Variants in SPN observed in about 807,000 individuals in gnomAD.
SPN encodes the protein leukosialin.
Under a neutral mutation model 8.4 loss-of-function variants are expected in SPN, and 6 were observed. That is an observed-to-expected ratio of 0.72 (90% CI 0.39 to 1.42). The LOEUF is 1.42. Among genes scored for constraint, SPN ranks in the 40% most tolerant of loss-of-function variants. The probability of loss-of-function intolerance (pLI) is 0.02; values close to 1 mark genes in which losing one functional copy is unlikely to be tolerated. For missense variants in SPN, 517 were observed against 530.6 expected (o/e 0.97, Z 0.25); for synonymous variants, 201 against 222.6 (o/e 0.90, Z 0.86).
At position 29,667,278 on chromosome 16, in the gene SPN, T is replaced by C. The variant is rs911413418; in HGVS notation, c.*2347T>C. On this transcript the variant is annotated 3_prime_UTR_variant, in exon 2 of 2. Transcript: ENST00000652691. ...AGAGTTGTTAAAATAAGAGCCCCCA[T>C]ATCAGGTTTAGAAAATACTGTCACC... The C allele has an allele frequency of 1.0e-5, 3 of 287,480 alleles. No homozygotes were observed. The highest frequency in any genetic ancestry group is 2.3e-5 in the Non-Finnish European group (3 of 132,130). The allele number at this position is 287,480 out of a possible 1,614,324, so 17.8% of individuals were successfully genotyped here. A position where few individuals can be genotyped will look rare whatever the true frequency, so the allele number is the denominator to read the frequency against.
At position 29,664,285 on chromosome 16, in the gene SPN, CT is replaced by C. The variant is rs1567319877; in HGVS notation, c.558del (p.Val187LeufsTer21). The C allele has an allele frequency of 1.9e-6, 3 of 1,614,072 alleles. No individual in the cohort carries two copies. The highest frequency in any genetic ancestry group is 2.5e-6 in the Non-Finnish European group (3 of 1,179,970). On this transcript the variant is annotated frameshift_variant, in exon 2 of 2. Coordinates refer to ENST00000652691, the MANE Select transcript of SPN (RefSeq NM_003123.6). LOFTEE classifies it high-confidence loss of function. The surrounding 1 kb of genome is among the most constrained non-coding windows in gnomAD (Gnocchi z 6.4). ...LETSKGTSGPPVTMATDSLET... is the reference protein window; with the variant it reads ...LETSKGTSGPXVTMATDSLET... ...ACTTCCAAAGGCACCTCTGGACCCCCTGTTACCATGGCAACTGACTCTCTGG... is the reference window on the plus strand; with the variant it reads ...ACTTCCAAAGGCACCTCTGGACCCCCGTTACCATGGCAACTGACTCTCTGG...
chr16:29,670,533 T>G lies in SPN; in HGVS notation c.*5602T>G. The G allele has an allele frequency of 8.7e-6, 2 of 229,984 alleles. No homozygotes were observed. The highest frequency in any genetic ancestry group is 9.7e-5 in the South Asian group (2 of 20,598). The allele number at this position is 229,984 out of a possible 1,614,324, so 14.2% of individuals were successfully genotyped here. On this transcript the variant is annotated 3_prime_UTR_variant, in exon 2 of 2. Coordinates refer to ENST00000652691, the MANE Select transcript of SPN (RefSeq NM_003123.6). ...GAAAATATAAAATATGGTATAAGATTAAATATATTAGTTATGAAAATAATT... is the reference window on the plus strand; with the variant it reads ...GAAAATATAAAATATGGTATAAGATGAAATATATTAGTTATGAAAATAATT...
In SPN at chr16:29,663,620, G is replaced by A. The variant is rs1966762470; in HGVS notation, c.-34-75G>A. The A allele has an allele frequency of 2.1e-6, 3 of 1,459,286 alleles. No homozygotes were observed. Among genetic ancestry groups the A allele is most frequent in the Non-Finnish European group, 2.7e-6 (3 of 1,097,216 alleles). The allele number at this position is 1,459,286 out of a possible 1,614,324, so 90.4% of individuals were successfully genotyped here. On this transcript the variant is annotated intron_variant, in intron 1 of 1. Transcript: ENST00000652691. The surrounding 1 kb of genome is among the most constrained non-coding windows in gnomAD (Gnocchi z 4.3). ...GTTGGGCCTGGCCGTTGGCAGGGAA[G>A]TGGGCAGAGGGGAGGCCCGGCCAGG... is the stretch of plus-strand genomic sequence containing the variant.
At position 29,666,552 on chromosome 16, in the gene SPN, A is replaced by ACACACGCGCGCGCGCGCGCGCG. The variant is rs139174583; in HGVS notation, c.*1622_*1623insACACGCGCGCGCGCGCGCGCGC. ...CACACACACACACACACACACACAC[A>ACACACGCGCGCGCGCGCGCGCG]CGCGCGCGCGCGCGCGCTCTCCTGC... On this transcript the variant is annotated 3_prime_UTR_variant, in exon 2 of 2. Coordinates refer to ENST00000652691, the MANE Select transcript of SPN (RefSeq NM_003123.6). The ACACACGCGCGCGCGCGCGCGCG allele has an allele frequency of 7.1e-6, 1 of 141,256 alleles. No individual in the cohort carries two copies. Among genetic ancestry groups the ACACACGCGCGCGCGCGCGCGCG allele is most frequent in the African/African-American group, 3.0e-5 (1 of 33,184 alleles). The allele number at this position is 141,256 out of a possible 1,614,324, so 8.8% of individuals were successfully genotyped here.
rs1421767328 is a variant in SPN, at chr16:29,667,476, A to C, written c.*2545A>C. 1.2e-5 allele frequency: 2 copies of C among 173,820 alleles called. No individual in the cohort carries two copies. Among genetic ancestry groups the C allele is most frequent in the African/African-American group, 4.8e-5 (2 of 41,678 alleles). The allele number at this position is 173,820 out of a possible 1,614,324, so 10.8% of individuals were successfully genotyped here. A position where few individuals can be genotyped will look rare whatever the true frequency, so the allele number is the denominator to read the frequency against. Reference sequence around the variant, plus strand: ...ACAATCCAGAAAATATCAAAATATAAGTGTTAAAAGAGAGGCACAGGCCGG... The same window carrying C: ...ACAATCCAGAAAATATCAAAATATACGTGTTAAAAGAGAGGCACAGGCCGG... On this transcript the variant is annotated 3_prime_UTR_variant, in exon 2 of 2. Transcript: ENST00000652691.
At position 29,666,932 on chromosome 16, in the gene SPN, A is replaced by C. The variant is rs757466919; in HGVS notation, c.*2001A>C. On this transcript the variant is annotated 3_prime_UTR_variant, in exon 2 of 2. Transcript: ENST00000652691. Reference sequence around the variant, plus strand: ...TGAGTTAGAGCTTGCGGTGGCTGAGAGCAGACAGGTTGACCTGCAAAAAAA... The same window carrying C: ...TGAGTTAGAGCTTGCGGTGGCTGAGCGCAGACAGGTTGACCTGCAAAAAAA... 1.1e-4 allele frequency: 53 copies of C among 470,722 alleles called. 2 individuals are homozygous for C. The highest frequency in any genetic ancestry group is 6.0e-4 in the South Asian group (39 of 64,566). The allele number at this position is 470,722 out of a possible 1,614,324, so 29.2% of individuals were successfully genotyped here. A position where few individuals can be genotyped will look rare whatever the true frequency, so the allele number is the denominator to read the frequency against.
chr16:29,666,239 G>T lies in SPN; in HGVS notation c.*1308G>T. 6.0e-6 allele frequency: 1 copy of T among 166,126 alleles called. No individual in the cohort carries two copies. The allele number at this position is 166,126 out of a possible 1,614,324, so 10.3% of individuals were successfully genotyped here. Reference sequence around the variant, plus strand: ...ACAGAATGCCAGGGTGAGCACAGTGGCTGGTGCCTTTAATCCCAGCACTTT... The same window carrying T: ...ACAGAATGCCAGGGTGAGCACAGTGTCTGGTGCCTTTAATCCCAGCACTTT... On this transcript the variant is annotated 3_prime_UTR_variant, in exon 2 of 2. Coordinates refer to ENST00000652691, the MANE Select transcript of SPN (RefSeq NM_003123.6).
In SPN at chr16:29,664,619, C is replaced by T. The variant is rs1406876131; in HGVS notation, c.891C>T (p.Asn297=). ...TGCTGAGCAGAGGCGGCAAGCGTAACGGGGTGGTGGACGCCTGGGCTGGGC... is the reference window on the plus strand; with the variant it reads ...TGCTGAGCAGAGGCGGCAAGCGTAATGGGGTGGTGGACGCCTGGGCTGGGC... The part of the protein sequence containing the change: ...ALVLSRGGKR[N]GVVDAWAGPA... The change falls in exon 2 of 2, where the codon AAC becomes AAT. Residue 297 remains asparagine (N), a synonymous_variant. Coordinates refer to ENST00000652691, the MANE Select transcript of SPN (RefSeq NM_003123.6). This position sits in a 1 kb window ranked among gnomAD's most constrained non-coding sequence, Gnocchi z 6.4. 1.5e-5 allele frequency: 24 copies of T among 1,594,436 alleles called. No homozygotes were observed. The highest frequency in any genetic ancestry group is 1.7e-4 in the Middle Eastern group (1 of 5,992).
rs1966791971 is a variant in SPN, at chr16:29,665,026, C to T, written c.*95C>T. ...CACTGCCCCCTCGCTCCCATGTTTC[C>T]ACCCGGCACCCTGATCCTCACCCGA... On this transcript the variant is annotated 3_prime_UTR_variant, in exon 2 of 2. Coordinates refer to ENST00000652691, the MANE Select transcript of SPN (RefSeq NM_003123.6). The T allele has an allele frequency of 1.4e-5, 17 of 1,230,248 alleles. No homozygotes were observed. Among genetic ancestry groups the T allele is most frequent in the South Asian group, 3.8e-5 (1 of 26,092 alleles). The allele number at this position is 1,230,248 out of a possible 1,614,324, so 76.2% of individuals were successfully genotyped here. A position where few individuals can be genotyped will look rare whatever the true frequency, so the allele number is the denominator to read the frequency against.
In SPN at chr16:29,664,701, G is replaced by T; in HGVS notation, c.973G>T (p.Asp325Tyr). Residue 325 changes from aspartate to tyrosine, a missense_variant, in exon 2 of 2, where the codon GAC (aspartate) becomes TAC (tyrosine). Asp to Tyr is a radical substitution (Grantham distance 160). Coordinates refer to ENST00000652691, the MANE Select transcript of SPN (RefSeq NM_003123.6). The surrounding 1 kb of genome is among the most constrained non-coding windows in gnomAD (Gnocchi z 6.4). ...VTVTVGGSGG[D>Y]KGSGFPDGEG... Reference sequence around the variant, plus strand: ...AGTGACCGTGGGAGGGTCCGGGGGCGACAAGGGCTCTGGGTTCCCCGATGG... The same window carrying T: ...AGTGACCGTGGGAGGGTCCGGGGGCTACAAGGGCTCTGGGTTCCCCGATGG... The T allele has an allele frequency of 6.7e-7, 1 of 1,484,830 alleles. No homozygotes were observed. The highest frequency in any genetic ancestry group is 8.9e-7 in the Non-Finnish European group (1 of 1,119,230). 92.0% of individuals were successfully genotyped at this position (1,484,830 alleles called of 1,614,324 possible).
Position 29,667,314 on chromosome 16 carries a change from C to A in SPN, c.*2383C>A, listed in dbSNP as rs192198508. 1 of 259,220 alleles carries A rather than the reference C, an allele frequency of 3.9e-6. No individual in the cohort carries two copies. Among genetic ancestry groups the A allele is most frequent in the African/African-American group, 2.2e-5 (1 of 45,400 alleles). The allele number at this position is 259,220 out of a possible 1,614,324, so 16.1% of individuals were successfully genotyped here. A position where few individuals can be genotyped will look rare whatever the true frequency, so the allele number is the denominator to read the frequency against. On this transcript the variant is annotated 3_prime_UTR_variant, in exon 2 of 2. Transcript: ENST00000652691. ...GAAAATACTGTCACCGAACGAACGT[C>A]GCTGTCCTCAGCTCCACCTCCCTTT...
rs952110882 is a variant in SPN, at chr16:29,670,028, A to G, written c.*5097A>G. ...GCAACATAGACCCCTATCTCTACAA[A>G]AAATTTGAAATATGAAAAATTAGCC... On this transcript the variant is annotated 3_prime_UTR_variant, in exon 2 of 2. Coordinates refer to ENST00000652691, the MANE Select transcript of SPN (RefSeq NM_003123.6). 1.8e-5 allele frequency: 3 copies of G among 166,848 alleles called. No individual in the cohort carries two copies. Among genetic ancestry groups the G allele is most frequent in the African/African-American group, 7.2e-5 (3 of 41,390 alleles). 10.3% of individuals were successfully genotyped at this position (166,848 alleles called of 1,614,324 possible). A position where few individuals can be genotyped will look rare whatever the true frequency, so the allele number is the denominator to read the frequency against.
At position 29,670,398 on chromosome 16, in the gene SPN, A is replaced by G. The variant is rs1966846663; in HGVS notation, c.*5467A>G. On this transcript the variant is annotated 3_prime_UTR_variant, in exon 2 of 2. Coordinates refer to ENST00000652691, the MANE Select transcript of SPN (RefSeq NM_003123.6). ...CAGCTACTTGGGGGTCTGAGGCAGA[A>G]GAATTGCTTGAAACCGGGAGGCAGA... The G allele has an allele frequency of 6.3e-6, 1 of 158,786 alleles. No homozygotes were observed. Among genetic ancestry groups the G allele is most frequent in the East Asian group, 1.9e-4 (1 of 5,370 alleles). The allele number at this position is 158,786 out of a possible 1,614,324, so 9.8% of individuals were successfully genotyped here.
rs766510503 is a variant in SPN, at chr16:29,664,424, G to A, written c.696G>A (p.Met232Ile). ...CTAGCGTAAAACTATCTACAATGAT[G>A]TCTCCAACGACCTCCACCAACGCAA... ...QVSSVKLSTM[M>I]SPTTSTNAST... The change falls in exon 2 of 2, where the codon ATG becomes ATA. Residue 232 changes from methionine (M) to isoleucine (I), a missense_variant. Physicochemically the swap from Met to Ile is conservative, Grantham distance 10. Coordinates refer to ENST00000652691, the MANE Select transcript of SPN (RefSeq NM_003123.6). The surrounding 1 kb of genome is among the most constrained non-coding windows in gnomAD (Gnocchi z 6.4). The A allele has an allele frequency of 1.5e-5, 25 of 1,614,166 alleles. No homozygotes were observed. In the South Asian group the frequency reaches 2.3e-4, roughly 15 times the overall value.
Position 29,664,228 on chromosome 16 carries a change from C to T in SPN, c.500C>T (p.Pro167Leu), listed in dbSNP as rs766102793. 11 of 1,613,682 alleles carry T rather than the reference C, an allele frequency of 6.8e-6. No homozygotes were observed. The highest frequency in any genetic ancestry group is 9.3e-6 in the Non-Finnish European group (11 of 1,179,938). ...SLETSRGTSG[P>L]PLTMATVSLE... ...GAGACCTCCAGAGGCACCTCTGGAC[C>T]CCCTCTTACCATGGCAACTGTCTCT... The change falls in exon 2 of 2, where the codon CCC becomes CTC. Residue 167 changes from proline (P) to leucine (L), a missense_variant. Coordinates refer to ENST00000652691, the MANE Select transcript of SPN (RefSeq NM_003123.6). The surrounding 1 kb of genome is among the most constrained non-coding windows in gnomAD (Gnocchi z 6.4).
chr16:29,665,038 T>A lies in SPN; in HGVS notation c.*107T>A. ...GCTCCCATGTTTCCACCCGGCACCC[T>A]GATCCTCACCCGAATCTCCTTTTTT... On this transcript the variant is annotated 3_prime_UTR_variant, in exon 2 of 2. Coordinates refer to ENST00000652691, the MANE Select transcript of SPN (RefSeq NM_003123.6). 1 of 1,193,922 alleles carries A rather than the reference T, an allele frequency of 8.4e-7. No individual in the cohort carries two copies. Among genetic ancestry groups the A allele is most frequent in the Non-Finnish European group, 1.1e-6 (1 of 937,052 alleles). 74.0% of individuals were successfully genotyped at this position (1,193,922 alleles called of 1,614,324 possible). A position where few individuals can be genotyped will look rare whatever the true frequency, so the allele number is the denominator to read the frequency against.
rs748002037 is a variant in SPN at position 29,664,380 on chromosome 16, G to A, written c.652G>A (p.Ala218Thr). 1 of 1,614,128 alleles carries A rather than the reference G, an allele frequency of 6.2e-7. No homozygotes were observed. The highest frequency in any genetic ancestry group is 8.5e-7 in the Non-Finnish European group (1 of 1,180,026). Residue 218 changes from alanine to threonine, a missense_variant, in exon 2 of 2, where the codon GCC becomes ACC. Ala to Thr is a moderately conservative substitution (Grantham distance 58). Coordinates refer to ENST00000652691, the MANE Select transcript of SPN (RefSeq NM_003123.6). This position sits in a 1 kb window ranked among gnomAD's most constrained non-coding sequence, Gnocchi z 6.4. Reference sequence around the variant, plus strand: ...TGGCTCTCTGGAGCCCTCCAGCGGGGCCAGTGGACCCCAGGTCTCTAGCGT... The same window carrying A: ...TGGCTCTCTGGAGCCCTCCAGCGGGACCAGTGGACCCCAGGTCTCTAGCGT... ...TTGSLEPSSGASGPQVSSVKL... is the reference protein window; with the variant it reads ...TTGSLEPSSGTSGPQVSSVKL...
In SPN at chr16:29,663,935, T is replaced by G; in HGVS notation, c.207T>G (p.Thr69=). Residue 69 remains threonine, a synonymous_variant, in exon 2 of 2, where the codon ACT becomes ACG. Transcript: ENST00000652691. This position sits in a 1 kb window ranked among gnomAD's most constrained non-coding sequence, Gnocchi z 4.3. ...GDQTSALPPS[T]SINEGSPLWT... ...AGACCTCAGCCCTACCTCCCTCAAC[T>G]TCCATCAATGAGGGATCCCCTCTTT... 1 of 1,613,978 alleles carries G rather than the reference T, an allele frequency of 6.2e-7. No individual in the cohort carries two copies. The highest frequency in any genetic ancestry group is 1.1e-5 in the South Asian group (1 of 91,064).
Position 29,666,502 on chromosome 16 carries a change from GCT to G in SPN, c.*1593_*1594del, listed in dbSNP as rs138362780. 0.046 allele frequency: 7,203 copies of G among 156,506 alleles called. 195 individuals are homozygous for G. Among genetic ancestry groups the G allele is most frequent in the South Asian group, 0.075 (361 of 4,800 alleles). 9.7% of individuals were successfully genotyped at this position (156,506 alleles called of 1,614,324 possible). ...ATTTCTGCAGTACACATGCATGTGC[GCT>G]CTCTCTCTCTCTCTCTCTCTCACAC... On this transcript the variant is annotated 3_prime_UTR_variant, in exon 2 of 2. Transcript: ENST00000652691.
Sources: allele counts gnomAD v4.1 joint callset, GRCh38; gene constraint gnomAD v4.1.1; non-coding constraint Gnocchi (gnomAD v3.1); transcripts MANE v1.5; gene names NCBI Gene and HGNC (gene_info 2026-07-23, HGNC 2026-07-21).